The following MRPS28 variants were observed in gnomAD, a reference collection of about 807,000 sequenced individuals.
MRPS28 encodes mitochondrial ribosomal protein S28.
Under a neutral mutation model 10.8 loss-of-function variants are expected in MRPS28, and 7 were observed. That is an observed-to-expected ratio of 0.65 (90% CI 0.37 to 1.22). MRPS28 has a LOEUF of 1.22. Ranked by LOEUF, MRPS28 falls within the 50% of genes most tolerant of loss-of-function variation. The probability of loss-of-function intolerance (pLI) is 0.02; values close to 1 mark genes in which losing one functional copy is unlikely to be tolerated. For missense variants in MRPS28, 265 were observed against 232.9 expected (o/e 1.14, Z -0.90); for synonymous variants, 121 against 93.3 (o/e 1.30, Z -1.71).
At chr8:79,934,816 C>T (rs768530784) in intron 2 of MRPS28, among the ~76,000 whole-genome samples, 4 of 152,120 alleles carry the variant, frequency 2.6e-5, no homozygotes, top group Middle Eastern at 3.4e-3. Flanking sequence ...AAGAAACAAC[C>T]TGATTAAAAT....
At chr8:80,020,369 G>A (rs896656676) in intron 1 of MRPS28, among the ~76,000 whole-genome samples, 2 of 152,162 alleles carry the variant, frequency 1.3e-5, no homozygotes, top group African/African-American at 4.8e-5. Context: ...TAGTTTTTCA[G>A]GTTAACTTTG....
chr8:80,014,990 C>T (rs1175835849), intron 1 of MRPS28, among the ~76,000 whole-genome samples: 3 of 152,124 alleles, frequency 2.0e-5, no homozygotes, highest in African/African-American at 4.8e-5. Context: ...AAAGAAGCCT[C>T]CAAGAAGAAA....
intron 2 of MRPS28, among the ~76,000 whole-genome samples, chr8:79,973,402 T>C (rs1807690528): frequency 6.6e-6 from 1 of 152,158 alleles, no homozygotes; most frequent in African/African-American, 2.4e-5. Flanking sequence ...AGCAGTGGTG[T>C]GTGCCTGAAG....
chr8:79,993,889 T>G (rs796878737), intron 2 of MRPS28, among the ~76,000 whole-genome samples: 1 of 152,294 alleles, frequency 6.6e-6, no homozygotes. Context: ...CAATCTGAAA[T>G]AGAAACAAAG....
chr8:79,991,739 C>T lies in MRPS28; in HGVS notation c.395+11260G>A, dbSNP rs571137857. ...TTTGTTCACACACAGAAATTAAATA[C>T]GTAAAATGCATACACAAACTCTGTA... On this transcript the variant is annotated intron_variant, in intron 2 of 2. Coordinates refer to ENST00000276585, the MANE Select transcript of MRPS28 (RefSeq NM_014018.3). Among the ~76,000 whole-genome samples the T allele has an allele frequency of 6.6e-5, 10 of 152,262 alleles. No homozygotes were observed. In the East Asian group the frequency reaches 9.6e-4, roughly 15 times the overall value.
At position 80,025,398 on chromosome 8, in the gene MRPS28, C is replaced by A. The variant is rs1809469469; in HGVS notation, c.213+4638G>T. ...GGAGTTCAGTACAAACAGGCTGTAA[C>A]TCAAATTGTGTGTACACTTTTACCC... On this transcript the variant is annotated intron_variant, in intron 1 of 2. Transcript: ENST00000276585. Among the ~76,000 whole-genome samples, 4 of 152,150 alleles carry A rather than the reference C, an allele frequency of 2.6e-5. 1 individual carries two copies. In the South Asian group the frequency reaches 8.3e-4, roughly 31 times the overall value.
At chr8:79,984,118 T>A (rs929865979) in intron 2 of MRPS28, among the ~76,000 whole-genome samples, 4 of 152,058 alleles carry the variant, frequency 2.6e-5, no homozygotes, top group Non-Finnish European at 4.4e-5. Flanking sequence ...GGGGCCAATA[T>A]TCAACATTCT....
At chr8:79,978,138 T>C (rs1265315976) in intron 2 of MRPS28, among the ~76,000 whole-genome samples, 2 of 152,194 alleles carry the variant, frequency 1.3e-5, no homozygotes, top group East Asian at 1.9e-4. Flanking sequence ...TGACAGCTTA[T>C]GGTTGACAAT....
At position 79,958,476 on chromosome 8, in the gene MRPS28, G is replaced by A. The variant is rs1807286308; in HGVS notation, c.396-39328C>T. 1.3e-5 allele frequency: 8 copies of A among 594,030 alleles called. No individual in the cohort carries two copies. The East Asian group carries it at 2.5e-4, about 18-fold the overall frequency. The allele number at this position is 594,030 out of a possible 1,614,324, so 36.8% of individuals were successfully genotyped here. On this transcript the variant is annotated intron_variant, in intron 2 of 2. Transcript: ENST00000276585. ...AATGTTGAGATTCAGAAGAACTCAA[G>A]GCTATTTTAAAAATAATTTTTATTG...
At chr8:80,006,447 A>G (rs981080457) in intron 1 of MRPS28, among the ~76,000 whole-genome samples, 6 of 152,220 alleles carry the variant, frequency 3.9e-5, no homozygotes, top group African/African-American at 1.4e-4. Flanking sequence ...AGACAGAGAC[A>G]CAAAAAAACC....
chr8:79,940,395 T>C (rs547555843), intron 2 of MRPS28, among the ~76,000 whole-genome samples: 1 of 152,370 alleles, frequency 6.6e-6, no homozygotes, highest in Non-Finnish European at 1.5e-5. Context: ...TCCTTTACTG[T>C]TCCAGGAAAT....
intron 1 of MRPS28, among the ~76,000 whole-genome samples, chr8:80,026,834 T>C (rs1228833282): frequency 6.6e-6 from 1 of 152,230 alleles, no homozygotes; most frequent in East Asian, 1.9e-4. Flanking sequence ...TTATTGTCTC[T>C]TTGAATGACA....
intron 2 of MRPS28, among the ~76,000 whole-genome samples, chr8:79,948,150 G>A (rs1041596773): frequency 2.6e-5 from 4 of 151,280 alleles, no homozygotes; most frequent in Admixed American, 2.0e-4. Context: ...CCAACGCCTG[G>A]CTAATTTTTT....
At chr8:79,933,781 G>A (rs985884720) in intron 2 of MRPS28, among the ~76,000 whole-genome samples, 1 of 152,192 alleles carries the variant, frequency 6.6e-6, no homozygotes, top group Non-Finnish European at 1.5e-5. Context: ...TAAGCTGGAA[G>A]TCACCAGTGA....
chr8:79,960,209 C>T (rs1437690558), intron 2 of MRPS28, among the ~76,000 whole-genome samples: 1 of 152,126 alleles, frequency 6.6e-6, no homozygotes, highest in Non-Finnish European at 1.5e-5. Context: ...TGCCTGGCTG[C>T]TTTGTCCCTT....
chr8:79,999,873 T>A (rs1183280454), intron 2 of MRPS28, among the ~76,000 whole-genome samples: 1 of 152,072 alleles, frequency 6.6e-6, no homozygotes, highest in African/African-American at 2.4e-5. Context: ...CTTTTTTTTT[T>A]AAAGTCACTT....
intron 2 of MRPS28, among the ~76,000 whole-genome samples, chr8:79,974,994 A>T (rs1331884457): frequency 6.6e-6 from 1 of 152,182 alleles, no homozygotes; most frequent in East Asian, 1.9e-4. Context: ...AGTAATTTCA[A>T]ATAAATAAGG....
intron 1 of MRPS28, chr8:80,028,645 C>CGGGTGGGGGGGGGG (rs1554575872): frequency 3.0e-4 from 1 of 3,332 alleles, no homozygotes; most frequent in Non-Finnish European, 5.1e-4. Flanking sequence ...AAGCAGAAGA[C>CGGGTGGGGGGGGGG]GGGCGGGGGG....
intron 2 of MRPS28, among the ~76,000 whole-genome samples, chr8:79,980,899 G>A (rs1807935435): frequency 1.3e-5 from 2 of 152,200 alleles, no homozygotes; most frequent in South Asian, 4.1e-4. Flanking sequence ...CAACACCATC[G>A]TCACCATCAC....
Sources: allele counts gnomAD v4.1 joint callset (sites outside exome capture counted in the v4.1 genomes callset), GRCh38; gene constraint gnomAD v4.1.1; transcripts MANE v1.5; gene names NCBI Gene and HGNC (gene_info 2026-07-23, HGNC 2026-07-21).